Variants in RSPRY1 observed in about 807,000 individuals in gnomAD.
The protein encoded by RSPRY1 is RING finger and SPRY domain-containing protein 1.
RSPRY1 carries 23 observed loss-of-function variants against 73.1 expected under a neutral mutation model. That is an observed-to-expected ratio of 0.31 (90% confidence interval 0.23 to 0.45). RSPRY1 has a LOEUF of 0.45. Among genes scored for constraint, RSPRY1 ranks in the 20% least tolerant of loss-of-function variants. RSPRY1 has a pLI of 1.00. For synonymous variants in RSPRY1, 226 were observed against 251.4 expected, an observed-to-expected ratio of 0.90 and a Z score of 0.95; for missense variants, 448 against 698.7, an observed-to-expected ratio of 0.64 and a Z score of 4.05.
intron 10 of RSPRY1, among the ~76,000 whole-genome samples, chr16:57,227,108 G>A (rs1241557146): frequency 1.3e-5 from 2 of 152,198 alleles, no homozygotes; most frequent in East Asian, 3.9e-4. Flanking sequence ...AAATGTGAAA[G>A]TGCCTGAACA....
chr16:57,231,493 C>T (rs916577478), intron 13 of RSPRY1, among the ~76,000 whole-genome samples, 174 bp downstream of exon 13: 8 of 152,062 alleles, frequency 5.3e-5, no homozygotes, highest in Admixed American at 1.3e-4. Flanking sequence ...ATACACAAAC[C>T]AATTATTGTA....
At chr16:57,203,500 G>T (rs1192989586) in intron 1 of RSPRY1, among the ~76,000 whole-genome samples, 8 of 152,048 alleles carry the variant, frequency 5.3e-5, no homozygotes, top group Non-Finnish European at 7.4e-5. Flanking sequence ...AGCCTGTTTT[G>T]TTTGTTTGTT....
Position 57,205,834 on chromosome 16 carries a change from G to A in RSPRY1, c.350+826G>A, listed in dbSNP as rs191372418. ...CCCACAAGGATTATCATGAGATAAT[G>A]TACATAAGGCATTCAGTGTGGAGCT... On this transcript the variant is annotated intron_variant, in intron 2 of 14. Transcript: ENST00000394420. Among the ~76,000 whole-genome samples, 5 of 152,326 alleles carry A rather than the reference G, an allele frequency of 3.3e-5. No homozygotes were observed. In the East Asian group the frequency reaches 9.6e-4, roughly 29 times the overall value.
chr16:57,199,004 A>G (rs2074505830), intron 1 of RSPRY1, among the ~76,000 whole-genome samples: 1 of 152,206 alleles, frequency 6.6e-6, no homozygotes, highest in Non-Finnish European at 1.5e-5. Flanking sequence ...ACTCCCTTCT[A>G]CCATCCCCAA....
chr16:57,234,624 C>T (rs1284825016), intron 13 of RSPRY1, among the ~76,000 whole-genome samples: 2 of 152,216 alleles, frequency 1.3e-5, no homozygotes, highest in Non-Finnish European at 2.9e-5. Flanking sequence ...TGCCTGTCTG[C>T]TTCCATTCCA....
chr16:57,195,242 T>C (rs2074418628), intron 1 of RSPRY1, among the ~76,000 whole-genome samples: 1 of 152,240 alleles, frequency 6.6e-6, no homozygotes, highest in Admixed American at 6.5e-5. Context: ...CTGGGCATGG[T>C]GGCTCACACC....
At chr16:57,207,955 T>C (rs1426799134) in intron 2 of RSPRY1, 103 bp from the exon 3 acceptor site, 5 of 732,298 alleles carry the variant, frequency 6.8e-6, no homozygotes, top group Admixed American at 2.3e-5. Context: ...TTTGTGTTCA[T>C]TTCTTCTGTC....
In RSPRY1 at chr16:57,237,585, G is replaced by A. The variant is rs570455954; in HGVS notation, c.1635-1294G>A. ...GGATGAAATACTACAAAACAGAAAT[G>A]AATGGACTAAAACAATATAAAATAG... On this transcript the variant is annotated intron_variant, in intron 14 of 14. Coordinates refer to ENST00000394420, the MANE Select transcript of RSPRY1 (RefSeq NM_133368.3). Among the ~76,000 whole-genome samples the A allele has an allele frequency of 1.9e-4, 29 of 152,186 alleles. No individual in the cohort carries two copies. The South Asian group carries it at 5.8e-3, about 30-fold the overall frequency.
intron 1 of RSPRY1, among the ~76,000 whole-genome samples, chr16:57,202,878 TTATATATATATATATATATA>T: frequency 7.6e-6 from 1 of 131,634 alleles, no homozygotes; most frequent in East Asian, 2.7e-4. Flanking sequence ...TTACATATGA[TTATATATATATATATATATA>T]TATATATATC....
chr16:57,231,144 C>T (rs1043545314), intron 12 of RSPRY1, 23 bp from the exon 13 acceptor site: 1 of 1,607,632 alleles, frequency 6.2e-7, no homozygotes, highest in Non-Finnish European at 8.5e-7. Flanking sequence ...TTCTATTGGC[C>T]TCTGTACTCA....
intron 4 of RSPRY1, among the ~76,000 whole-genome samples, chr16:57,210,723 AAAG>A (rs1303600799): frequency 5.3e-5 from 8 of 151,698 alleles, no homozygotes; most frequent in Non-Finnish European, 7.4e-5. Flanking sequence ...AAAAAAAAAA[AAAG>A]AAGCATTTAG....
intron 10 of RSPRY1, among the ~76,000 whole-genome samples, chr16:57,224,911 C>T (rs979887814): frequency 6.6e-6 from 1 of 152,206 alleles, no homozygotes; most frequent in South Asian, 2.1e-4. Context: ...CTTCTCAGGA[C>T]ATTAGAAGGT....
chr16:57,194,215 A>T (rs879780068), intron 1 of RSPRY1, among the ~76,000 whole-genome samples: 4 of 152,238 alleles, frequency 2.6e-5, no homozygotes, highest in Non-Finnish European at 5.9e-5. Context: ...ATGTAAAAAA[A>T]ACTGAATGGA....
chr16:57,214,000 C>T (rs1421131442), intron 6 of RSPRY1, 54 bp downstream of exon 6: 6 of 1,209,230 alleles, frequency 5.0e-6, no homozygotes, highest in Non-Finnish European at 6.1e-6. Context: ...TGGGCATCAT[C>T]TAGAACTGTG....
intron 1 of RSPRY1, among the ~76,000 whole-genome samples, chr16:57,193,056 G>C (rs2074378370): frequency 1.3e-5 from 2 of 152,088 alleles, no homozygotes; most frequent in Non-Finnish European, 2.9e-5. Context: ...TACTTTCAAA[G>C]GTGTGCTTTC....
At chr16:57,206,046 G>C (rs558511728) in intron 2 of RSPRY1, among the ~76,000 whole-genome samples, 1 of 152,082 alleles carries the variant, frequency 6.6e-6, no homozygotes, top group African/African-American at 2.4e-5. Context: ...GAATACAAAC[G>C]AATTTTTAGA....
intron 13 of RSPRY1, among the ~76,000 whole-genome samples, chr16:57,234,582 A>G (rs1188910906): frequency 1.3e-5 from 2 of 152,156 alleles, no homozygotes; most frequent in East Asian, 1.9e-4. Flanking sequence ...CCTTGCCCAT[A>G]TATTAGGGCT....
intron 11 of RSPRY1, among the ~76,000 whole-genome samples, chr16:57,227,879 G>A (rs2075143134): frequency 6.6e-6 from 1 of 152,180 alleles, no homozygotes; most frequent in African/African-American, 2.4e-5. Flanking sequence ...ATATGGTAGA[G>A]GATATAACCT....
rs558769663 is a variant in RSPRY1 at position 57,215,946 on chromosome 16, T to G, written c.703-161T>G. Among the ~76,000 whole-genome samples, 20 of 152,052 alleles carry G rather than the reference T, an allele frequency of 1.3e-4. No homozygotes were observed. The South Asian group carries it at 4.1e-3, about 31-fold the overall frequency. On this transcript the variant is annotated intron_variant, in intron 6 of 14. Transcript: ENST00000394420. ...AGCCTGTCCAGTTCATTACTAACAT[T>G]ATTAGCCAAATGGATAATTGAGAAC...
Sources: gnomAD v4.1 joint callset for allele counts (sites outside exome capture counted in the v4.1 genomes callset) on GRCh38, gnomAD v4.1.1 for gene constraint, MANE v1.5 for transcripts, NCBI Gene and HGNC (gene_info 2026-07-23, HGNC 2026-07-21) for gene names.